The following ITGB6 variants were observed in gnomAD, a reference collection of about 807,000 sequenced individuals.
The protein encoded by ITGB6 is integrin beta-6.
In ITGB6, 80 loss-of-function variants were observed where a neutral mutation model predicts 84.5. The observed-to-expected ratio is 0.95, with a 90% CI of 0.79 to 1.14. The LOEUF (loss-of-function observed/expected upper bound fraction) is 1.14. Ranked by LOEUF, ITGB6 falls within the 50% of genes most tolerant of loss-of-function variation. The pLI, the probability that ITGB6 is intolerant of heterozygous loss-of-function variation, is 0.00. For synonymous variants in ITGB6, 383 were observed against 354.9 expected (o/e 1.08, Z -0.89); for missense variants, 1,006 against 968.0 (o/e 1.04, Z -0.52).
intron 8 of ITGB6, among the ~76,000 whole-genome samples, chr2:160,141,438 T>A (rs193244231): frequency 2.0e-5 from 3 of 152,284 alleles, no homozygotes; most frequent in Admixed American, 6.5e-5. Context: ...ATTCCCAAAG[T>A]CAAAAGCAAA....
At chr2:160,186,895 G>A (rs1375328075) in intron 4 of ITGB6, among the ~76,000 whole-genome samples, 1 of 149,468 alleles carries the variant, frequency 6.7e-6, no homozygotes, top group Admixed American at 6.7e-5. Context: ...GTTCTCACTC[G>A]TAAGTGGGAG....
intron 7 of ITGB6, among the ~76,000 whole-genome samples, chr2:160,151,014 TG>T (rs1351160956): frequency 6.6e-6 from 1 of 151,778 alleles, no homozygotes; most frequent in Non-Finnish European, 1.5e-5. Context: ...TGAGAGACAC[TG>T]TCTCTCATTA....
intron 12 of ITGB6, among the ~76,000 whole-genome samples, chr2:160,119,680 C>G (rs1484838414): frequency 2.6e-5 from 4 of 152,014 alleles, no homozygotes; most frequent in South Asian, 4.1e-4. Flanking sequence ...TCTAATTAAA[C>G]TAAAGGGCTT....
At chr2:160,102,798 A>T (rs77313227) in intron 14 of ITGB6, among the ~76,000 whole-genome samples, 2 of 65,454 alleles carry the variant, frequency 3.1e-5, no homozygotes, top group Non-Finnish European at 1.1e-4. Context: ...CTATGGCAAC[A>T]GTCTGGGTCC....
chr2:160,187,217 T>C (rs1685935963), intron 4 of ITGB6, among the ~76,000 whole-genome samples: 1 of 152,208 alleles, frequency 6.6e-6, no homozygotes, highest in African/African-American at 2.4e-5. Flanking sequence ...TGATATTGTA[T>C]CATGAAATCT....
chr2:160,142,154 T>C, intron 7 of ITGB6, 83 bp from the exon 8 acceptor site: 1 of 794,372 alleles, frequency 1.3e-6, no homozygotes. Flanking sequence ...CTGGCTATGA[T>C]TGCCTCTATT....
At chr2:160,125,909 T>C (rs1683219144) in intron 11 of ITGB6, among the ~76,000 whole-genome samples, 2 of 152,164 alleles carry the variant, frequency 1.3e-5, no homozygotes, top group Non-Finnish European at 2.9e-5. Context: ...GCTAAGATCG[T>C]CTTTCTGCCT....
intron 2 of ITGB6, 135 bp from the exon 3 acceptor site, chr2:160,196,555 T>C: frequency 1.5e-6 from 1 of 674,412 alleles, no homozygotes. Context: ...CCTACATGAC[T>C]AACATTGATT....
At chr2:160,174,305 C>T (rs1685329150) in intron 4 of ITGB6, among the ~76,000 whole-genome samples, 166 bp from the exon 5 acceptor site, 1 of 152,160 alleles carries the variant, frequency 6.6e-6, no homozygotes, top group African/African-American at 2.4e-5. Context: ...TGACATCATC[C>T]CCAACCCTTT....
At chr2:160,172,832 T>C (rs999357680) in intron 5 of ITGB6, 102 bp from the exon 6 acceptor site, 3 of 844,788 alleles carry the variant, frequency 3.6e-6, no homozygotes, top group Middle Eastern at 2.4e-4. Flanking sequence ...AAAAATAATA[T>C]TGCTAGTCTA....
At chr2:160,166,865 G>A (rs1464160773) in intron 7 of ITGB6, among the ~76,000 whole-genome samples, 1 of 152,024 alleles carries the variant, frequency 6.6e-6, no homozygotes, top group Non-Finnish European at 1.5e-5. Context: ...CAATGTACAG[G>A]CACACTACAC....
chr2:160,143,015 T>C (rs988047115), intron 7 of ITGB6, among the ~76,000 whole-genome samples: 2 of 152,236 alleles, frequency 1.3e-5, no homozygotes, highest in Non-Finnish European at 1.5e-5. Context: ...TTGCCAGGAA[T>C]GCTGGCTCAC....
chr2:160,116,629 C>A (rs1162904959), intron 12 of ITGB6, among the ~76,000 whole-genome samples: 3 of 151,956 alleles, frequency 2.0e-5, no homozygotes, highest in Non-Finnish European at 4.4e-5. Context: ...AACCAGCTAA[C>A]ATCATAATGA....
intron 2 of ITGB6, among the ~76,000 whole-genome samples, chr2:160,198,038 A>T (rs1225832551): frequency 2.0e-5 from 3 of 152,232 alleles, no homozygotes; most frequent in Admixed American, 6.5e-5. Flanking sequence ...AACTCTCTTA[A>T]GTAAATGCTG....
chr2:160,148,063 C>A (rs559109081), intron 7 of ITGB6, among the ~76,000 whole-genome samples: 2 of 152,214 alleles, frequency 1.3e-5, no homozygotes, highest in Admixed American at 1.3e-4. Context: ...TTGCAAAATA[C>A]ACATCTACTA....
intron 12 of ITGB6, among the ~76,000 whole-genome samples, chr2:160,116,417 TC>T (rs1441365253): frequency 6.6e-6 from 1 of 151,582 alleles, no homozygotes; most frequent in Non-Finnish European, 1.5e-5. Context: ...AAACTAAGCT[TC>T]ATAAGTGAAG....
At chr2:160,126,276 A>G in intron 11 of ITGB6, 103 bp downstream of exon 11, 1 of 1,084,496 alleles carries the variant, frequency 9.2e-7, no homozygotes, top group South Asian at 1.5e-5. Flanking sequence ...TTGGAGACCA[A>G]ACCAGCAAAT....
intron 10 of ITGB6, 110 bp from the exon 11 acceptor site, chr2:160,126,711 G>GA: frequency 6.0e-6 from 6 of 1,006,586 alleles, no homozygotes; most frequent in Non-Finnish European, 8.8e-6. Context: ...CAAAAGACAA[G>GA]AAAAAAATGA....
intron 7 of ITGB6, among the ~76,000 whole-genome samples, chr2:160,144,550 G>A (rs1347847760): frequency 7.2e-5 from 11 of 152,186 alleles, no homozygotes; most frequent in Non-Finnish European, 4.4e-5. Context: ...GACGGCAGAG[G>A]GAACCTTTCG....
Sources: allele counts gnomAD v4.1 joint callset (sites outside exome capture counted in the v4.1 genomes callset), GRCh38; gene constraint gnomAD v4.1.1; transcripts MANE v1.5; gene names NCBI Gene and HGNC (gene_info 2026-07-23, HGNC 2026-07-21).